The following CCDC88A variants were observed in gnomAD, a reference collection of about 807,000 sequenced individuals.
CCDC88A encodes coiled-coil and HOOK domain protein 88A.
CCDC88A carries 54 observed loss-of-function variants against 234.3 expected under a neutral mutation model. That is an observed-to-expected ratio of 0.23 (90% CI 0.19 to 0.29). CCDC88A has a LOEUF of 0.29. CCDC88A is among the 10% of genes least tolerant of loss of function. The pLI is 1.00. For missense variants in CCDC88A, 1,832 were observed against 2,123.4 expected (o/e 0.86, Z 2.70); for synonymous variants, 753 against 737.8 (o/e 1.02, Z -0.33).
At chr2:55,350,374 T>C (rs1043106294) in intron 8 of CCDC88A, 2 of 152,192 alleles carry the variant, frequency 1.3e-5, no homozygotes, top group Non-Finnish European at 2.9e-5. Context: ...TTCTGCCCTG[T>C]AGCCTATAAA....
chr2:55,334,757 C>T lies in CCDC88A; in HGVS notation c.2064G>A (p.Gln688=), dbSNP rs1232508920. The T allele has an allele frequency of 1.2e-6, 2 of 1,609,356 alleles. No individual in the cohort carries two copies. Among genetic ancestry groups the T allele is most frequent in the South Asian group, 2.2e-5 (2 of 89,640 alleles). Residue 688 remains glutamine (Q), a synonymous_variant, in exon 15 of 33, where the codon CAG becomes CAA. Transcript: ENST00000436346. The surrounding 1 kb of genome is among the most constrained non-coding windows in gnomAD (Gnocchi z 6.1). ...TLDSFKNLTF[Q]LESLEKENSQ... ...AATTCTCTTTTTCTAGGGATTCTAA[C>T]TGAAAGGTCAGATTTTTAAAGCTAT...
rs540171801 is a variant in CCDC88A, at chr2:55,360,762, A to G, written c.627+1546T>C. 1.7e-3 allele frequency among the ~76,000 whole-genome samples: 266 copies of G among 152,320 alleles called. 1 individual carries two copies. The highest frequency in any genetic ancestry group is 2.9e-3 in the Non-Finnish European group (197 of 68,030). On this transcript the variant is annotated intron_variant, in intron 7 of 32. Coordinates refer to ENST00000436346, the MANE Select transcript of CCDC88A (RefSeq NM_001365480.1). ...TTTTTGAGATGTCCAGCCTGAGATC[A>G]AACATTTTATACGCACCCATCAGTC...
chr2:55,346,218 T>C lies in CCDC88A; in HGVS notation c.998A>G (p.Lys333Arg), dbSNP rs150363464. 32 of 1,611,528 alleles carry C rather than the reference T, an allele frequency of 2.0e-5. No individual in the cohort carries two copies. Among genetic ancestry groups the C allele is most frequent in the Non-Finnish European group, 2.5e-5 (29 of 1,178,288 alleles). The change falls in exon 10 of 33, where the codon AAA becomes AGA. Residue 333 changes from lysine to arginine, a missense_variant. Physicochemically the swap from Lys to Arg is conservative, Grantham distance 26. Around this residue, in one of 6 missense-constraint regions of CCDC88A, gnomAD observed 1,282 missense variants for 1,543.6 expected, o/e 0.83. Transcript: ENST00000436346. ...DKLESEVSRY[K>R]ERLHDIEFYK... is the part of the protein sequence containing the mutation. ...AAATTCAATATCATGTAGTCTCTCT[T>C]TATATCTGCTGACTTCACTTTCAAG...
At position 55,310,243 on chromosome 2, in the gene CCDC88A, G is replaced by C. The variant is rs78558086; in HGVS notation, c.4080-989C>G. Among the ~76,000 whole-genome samples, 458 of 152,306 alleles carry C rather than the reference G, an allele frequency of 3.0e-3. 2 individuals carry two copies. Among genetic ancestry groups the C allele is most frequent in the African/African-American group, 7.3e-3 (302 of 41,566 alleles). ...CATTACAAAGTGGTAAGAAATCTTG[G>C]TTTAAGGTACTTTAACCCAATGATG... is the stretch of plus-strand genomic sequence containing the variant. On this transcript the variant is annotated intron_variant, in intron 23 of 32. Coordinates refer to ENST00000436346, the MANE Select transcript of CCDC88A (RefSeq NM_001365480.1).
rs760061335 is a variant in CCDC88A at position 55,336,714 on chromosome 2, T to C, written c.1623A>G (p.Thr541=). The C allele has an allele frequency of 6.3e-7, 1 of 1,598,840 alleles. No individual in the cohort carries two copies. Among genetic ancestry groups the C allele is most frequent in the South Asian group, 1.1e-5 (1 of 87,294 alleles). ...CTGAATTTTCTCTCAGTGTTTCTAT[T>C]GTTTTTTCAAGCTGAGCTTTCTCCT... ...LMKEKAQLEK[T]IETLRENSER... Residue 541 remains threonine, a synonymous_variant, in exon 14 of 33, where the codon ACA becomes ACG. Transcript: ENST00000436346.
At position 55,318,939 on chromosome 2, in the gene CCDC88A, G is replaced by T. The variant is rs1289506576; in HGVS notation, c.3228C>A (p.Asn1076Lys). 6.2e-7 allele frequency: 1 copy of T among 1,613,464 alleles called. No individual in the cohort carries two copies. Among genetic ancestry groups the T allele is most frequent in the Non-Finnish European group, 8.5e-7 (1 of 1,179,602 alleles). The change falls in exon 19 of 33, where the codon AAC (asparagine) becomes AAA (lysine). Residue 1076 changes from asparagine (N) to lysine (K), a missense_variant. Asn to Lys is a moderately conservative substitution (Grantham distance 94, BLOSUM62 0). Coordinates refer to ENST00000436346, the MANE Select transcript of CCDC88A (RefSeq NM_001365480.1). Reference sequence around the variant, plus strand: ...CAAGAATCTGAGCCTGCAAATTATTGTTCTGTGTCTCAAGTTGCTTCAGTT... The same window carrying T: ...CAAGAATCTGAGCCTGCAAATTATTTTTCTGTGTCTCAAGTTGCTTCAGTT... ...KTQLKQLETQNNNLQAQILAL... is the reference protein window; with the variant it reads ...KTQLKQLETQKNNLQAQILAL...
chr2:55,366,971 T>C (rs904673984), intron 5 of CCDC88A, among the ~76,000 whole-genome samples: 11 of 152,156 alleles, frequency 7.2e-5, no homozygotes, highest in African/African-American at 1.2e-4. Context: ...CATAGCAACA[T>C]TGTTTACAAG....
intron 17 of CCDC88A, among the ~76,000 whole-genome samples, chr2:55,327,386 T>C (rs1262239759): frequency 6.6e-6 from 1 of 152,208 alleles, no homozygotes; most frequent in African/African-American, 2.4e-5. Context: ...AATCCATACC[T>C]TTGGAGTTGC....
chr2:55,399,526 C>CA (rs34218112), intron 2 of CCDC88A, among the ~76,000 whole-genome samples: 36,211 of 88,090 alleles, frequency 0.41, 5,844 homozygotes, highest in East Asian at 0.57. Flanking sequence ...GACTCTGTCT[C>CA]AAAAAAAAAA....
At chr2:55,395,794 T>C (rs1016554388) in intron 2 of CCDC88A, among the ~76,000 whole-genome samples, 7 of 152,190 alleles carry the variant, frequency 4.6e-5, no homozygotes, top group African/African-American at 1.7e-4. Flanking sequence ...ATTAGTAAGG[T>C]AAGCTAAATC....
chr2:55,354,708 C>G (rs137965777), intron 8 of CCDC88A, among the ~76,000 whole-genome samples: 14 of 151,120 alleles, frequency 9.3e-5, no homozygotes, highest in African/African-American at 3.4e-4. Context: ...GGATTACAGG[C>G]GCACCCCACC....
At chr2:55,394,938 T>C (rs4535081) in intron 2 of CCDC88A, among the ~76,000 whole-genome samples, 130,689 of 152,018 alleles carry the variant, frequency 0.86, 56,622 homozygotes, top group Admixed American at 0.93. Flanking sequence ...CTCCACCTTC[T>C]GGGTTCAAGT....
intron 29 of CCDC88A, 33 bp from the exon 30 acceptor site, chr2:55,296,556 T>A (rs1450043359): frequency 2.3e-5 from 37 of 1,594,708 alleles, no homozygotes; most frequent in Non-Finnish European, 2.9e-5. Context: ...GAGATTTCAA[T>A]AATAGAATTG....
rs182151276 is a variant in CCDC88A, at chr2:55,310,854, T to C, written c.4079+1580A>G. Among the ~76,000 whole-genome samples the C allele has an allele frequency of 3.3e-5, 5 of 152,322 alleles. No individual in the cohort carries two copies. The East Asian group carries it at 9.6e-4, about 29-fold the overall frequency. ...AACAAGGCTGGAGTTCCCAGTTCGT[T>C]TTTCCTTTTACTTGTTGAAATATCA... is the stretch of plus-strand genomic sequence containing the variant. On this transcript the variant is annotated intron_variant, in intron 23 of 32. Coordinates refer to ENST00000436346, the MANE Select transcript of CCDC88A (RefSeq NM_001365480.1).
At chr2:55,347,734 C>A (rs1669348505) in intron 9 of CCDC88A, among the ~76,000 whole-genome samples, 1 of 149,812 alleles carries the variant, frequency 6.7e-6, no homozygotes, top group Admixed American at 6.7e-5. Context: ...GCCTCCGCCT[C>A]CCAAGTAGCT....
At position 55,319,023 on chromosome 2, in the gene CCDC88A, A is replaced by G; in HGVS notation, c.3163-19T>C. ...TAGCATTCTTGAAAAACAAAAACCAAAACCAAACATATTAACAATAATGGC... is the reference window on the plus strand; with the variant it reads ...TAGCATTCTTGAAAAACAAAAACCAGAACCAAACATATTAACAATAATGGC... On this transcript the variant is annotated intron_variant, in intron 18 of 32. Coordinates refer to ENST00000436346, the MANE Select transcript of CCDC88A (RefSeq NM_001365480.1). 2 of 1,602,578 alleles carry G rather than the reference A, an allele frequency of 1.2e-6. No homozygotes were observed. Among genetic ancestry groups the G allele is most frequent in the Non-Finnish European group, 1.7e-6 (2 of 1,172,686 alleles).
rs558491699 is a variant in CCDC88A, at chr2:55,339,879, T to G, written c.1334-231A>C. On this transcript the variant is annotated intron_variant, in intron 12 of 32. Coordinates refer to ENST00000436346, the MANE Select transcript of CCDC88A (RefSeq NM_001365480.1). ...CGGGGTCTCTCTCTGTCACCCAGGC[T>G]GGAGTGCAGTGATGTGCTCCTAGCT... 1.3e-4 allele frequency: 47 copies of G among 366,246 alleles called. No homozygotes were observed. In the East Asian group the frequency reaches 2.5e-3, roughly 19 times the overall value. 22.7% of individuals were successfully genotyped at this position (366,246 alleles called of 1,614,324 possible). A position where few individuals can be genotyped will look rare whatever the true frequency, so the allele number is the denominator to read the frequency against.
At chr2:55,375,803 C>G (rs1673582467) in intron 3 of CCDC88A, among the ~76,000 whole-genome samples, 2 of 152,022 alleles carry the variant, frequency 1.3e-5, no homozygotes, top group South Asian at 4.2e-4. Flanking sequence ...GTTGAGATTA[C>G]AGGCATAAGC....
intron 2 of CCDC88A, among the ~76,000 whole-genome samples, chr2:55,411,798 A>AAAAAACAC (rs1553440803): frequency 8.3e-6 from 1 of 120,562 alleles, no homozygotes; most frequent in Non-Finnish European, 1.7e-5. Flanking sequence ...AAAAAAAAAA[A>AAAAAACAC]AAAAACTCAA....
Sources: allele counts gnomAD v4.1 joint callset (sites outside exome capture counted in the v4.1 genomes callset), GRCh38; gene constraint gnomAD v4.1.1; regional missense constraint gnomAD v4.1.1; non-coding constraint Gnocchi (gnomAD v3.1); transcripts MANE v1.5; gene names NCBI Gene and HGNC (gene_info 2026-07-23, HGNC 2026-07-21).